CCDC178: variants seen among roughly 807,000 people sequenced by gnomAD.
CCDC178 encodes coiled-coil domain-containing protein 178.
In CCDC178, 126 loss-of-function variants were observed where a neutral mutation model predicts 117.4. The ratio of observed to expected loss-of-function variants is 1.07; its 90% confidence interval spans 0.93 to 1.24. The LOEUF (loss-of-function observed/expected upper bound fraction) is 1.24. Among genes scored for constraint, CCDC178 ranks in the 50% most tolerant of loss-of-function variants. CCDC178 has a pLI of 0.00. For missense variants in CCDC178, 1,030 were observed against 986.9 expected (o/e 1.04, Z -0.59); for synonymous variants, 283 against 313.4 (o/e 0.90, Z 1.02).
intron 12 of CCDC178, among the ~76,000 whole-genome samples, chr18:33,280,976 T>C (rs182442730): frequency 7.7e-4 from 117 of 152,150 alleles, no homozygotes; most frequent in Middle Eastern, 3.4e-3. Context: ...GGGGGAGCGA[T>C]AGCATTAGGA....
At chr18:33,326,647 C>A (rs2062588435) in intron 10 of CCDC178, among the ~76,000 whole-genome samples, 1 of 151,986 alleles carries the variant, frequency 6.6e-6, no homozygotes, top group Non-Finnish European at 1.5e-5. Flanking sequence ...CTTTACTTCC[C>A]ACTCTGTATC....
intron 21 of CCDC178, among the ~76,000 whole-genome samples, chr18:33,048,918 A>T (rs1205760366): frequency 1.3e-5 from 2 of 152,124 alleles, no homozygotes; most frequent in African/African-American, 2.4e-5. Flanking sequence ...CACTTACAAA[A>T]TGTCTCCCAC....
intron 22 of CCDC178, among the ~76,000 whole-genome samples, chr18:32,940,531 A>G (rs569829935): frequency 4.5e-4 from 69 of 152,064 alleles, no homozygotes; most frequent in African/African-American, 1.6e-3. Context: ...TCAGGGGTAC[A>G]TGTGCAGGTT....
chr18:33,145,623 A>G (rs2058258557), intron 20 of CCDC178, among the ~76,000 whole-genome samples: 2 of 152,142 alleles, frequency 1.3e-5, no homozygotes, highest in African/African-American at 2.4e-5. Flanking sequence ...GCCCCACTGC[A>G]ATTAGGAAGG....
intron 2 of CCDC178, among the ~76,000 whole-genome samples, chr18:33,435,028 T>C (rs1449664070): frequency 1.3e-5 from 2 of 152,122 alleles, no homozygotes; most frequent in Non-Finnish European, 1.5e-5. Context: ...ACCTGGCAAA[T>C]ATTATGTGCT....
chr18:33,382,817 A>T (rs2063452753), intron 5 of CCDC178, among the ~76,000 whole-genome samples: 1 of 152,204 alleles, frequency 6.6e-6, no homozygotes, highest in Admixed American at 6.5e-5. Context: ...CCAGTGAGAC[A>T]GGAGAACCAT....
chr18:33,223,658 G>A (rs1366118723), intron 17 of CCDC178, among the ~76,000 whole-genome samples: 1 of 151,964 alleles, frequency 6.6e-6, no homozygotes, highest in South Asian at 2.1e-4. Context: ...TGAACTACAA[G>A]AAGATGTAAA....
At position 33,092,797 on chromosome 18, in the gene CCDC178, C is replaced by A; in HGVS notation, c.2352G>T (p.Gln784His). The A allele has an allele frequency of 6.5e-7, 1 of 1,543,146 alleles. No individual in the cohort carries two copies. Among genetic ancestry groups the A allele is most frequent in the African/African-American group, 1.4e-5 (1 of 72,298 alleles). The change falls in exon 21 of 23, where the codon CAG becomes CAT. Residue 784 changes from glutamine to histidine, a missense_variant. Physicochemically the swap from Gln to His is conservative, Grantham distance 24. Coordinates refer to ENST00000383096, the MANE Select transcript of CCDC178 (RefSeq NM_001105528.4). ...CTCTAATTGAAGTATCAAGTGATAGCTGTTTATCATATATATTGAAATAAT... is the reference window on the plus strand; with the variant it reads ...CTCTAATTGAAGTATCAAGTGATAGATGTTTATCATATATATTGAAATAAT... ...KDNYFNIYDK[Q>H]LSLDTSIRDK...
At chr18:33,043,176 T>C (rs929700731) in intron 21 of CCDC178, among the ~76,000 whole-genome samples, 1 of 152,006 alleles carries the variant, frequency 6.6e-6, no homozygotes, top group Admixed American at 6.6e-5. Context: ...ATACGACATA[T>C]AGTAAGTAAC....
intron 21 of CCDC178, among the ~76,000 whole-genome samples, chr18:33,053,813 T>TA: frequency 6.6e-6 from 1 of 152,338 alleles, no homozygotes; most frequent in Middle Eastern, 3.4e-3. Context: ...AATTCAGTTT[T>TA]AAAATGTATC....
chr18:33,269,215 G>T (rs183613415), intron 12 of CCDC178, among the ~76,000 whole-genome samples: 1 of 151,764 alleles, frequency 6.6e-6, no homozygotes, highest in South Asian at 2.1e-4. Flanking sequence ...AAAAATTACA[G>T]GCAATTGATA....
At chr18:33,367,309 T>C (rs1425183318) in intron 6 of CCDC178, among the ~76,000 whole-genome samples, 1 of 152,070 alleles carries the variant, frequency 6.6e-6, no homozygotes, top group East Asian at 1.9e-4. Context: ...TAAATATTTC[T>C]TACACACATA....
At position 33,015,922 on chromosome 18, in the gene CCDC178, G is replaced by A. The variant is rs139651748; in HGVS notation, c.2389-41241C>T. Among the ~76,000 whole-genome samples the A allele has an allele frequency of 4.0e-3, 611 of 152,248 alleles. 3 individuals carry two copies. The highest frequency in any genetic ancestry group is 0.014 in the Middle Eastern group (4 of 294). ...GGCATAGGATAGAATCAGTAAACTT[G>A]AAATAGGTCATTTGAGATTCTTCAG... On this transcript the variant is annotated intron_variant, in intron 21 of 22. Coordinates refer to ENST00000383096, the MANE Select transcript of CCDC178 (RefSeq NM_001105528.4).
intron 21 of CCDC178, among the ~76,000 whole-genome samples, chr18:33,027,152 C>T (rs2056245513): frequency 6.6e-6 from 1 of 151,564 alleles, no homozygotes; most frequent in Non-Finnish European, 1.5e-5. Context: ...AAGTGGTAAA[C>T]ATAATAATTT....
At chr18:33,253,669 T>C (rs2144721199) in intron 14 of CCDC178, among the ~76,000 whole-genome samples, 1 of 152,052 alleles carries the variant, frequency 6.6e-6, no homozygotes, top group African/African-American at 2.4e-5. Context: ...TTGATTTTTT[T>C]TGAAGTAGGT....
Position 33,172,100 on chromosome 18 carries a change from A to T in CCDC178, c.2238+39796T>A, listed in dbSNP as rs992777142. On this transcript the variant is annotated intron_variant, in intron 20 of 22. Transcript: ENST00000383096. ...TAATTTTTGTATTTTAGTAGAGGCG[A>T]GGTTTCACCATGTTGATCAGGCTGG... 3.9e-5 allele frequency among the ~76,000 whole-genome samples: 6 copies of T among 152,214 alleles called. No homozygotes were observed. The East Asian group carries it at 1.2e-3, about 29-fold the overall frequency.
intron 20 of CCDC178, among the ~76,000 whole-genome samples, chr18:33,139,833 T>C (rs1319341595): frequency 6.6e-6 from 1 of 152,096 alleles, no homozygotes; most frequent in Admixed American, 6.5e-5. Flanking sequence ...CAAATGTTAA[T>C]CCCCAAGACA....
intron 11 of CCDC178, among the ~76,000 whole-genome samples, chr18:33,294,758 T>C (rs771968865): frequency 4.6e-5 from 7 of 152,204 alleles, no homozygotes; most frequent in Non-Finnish European, 1.0e-4. Context: ...TTGAAATTAG[T>C]TCTTCTTCTC....
intron 12 of CCDC178, among the ~76,000 whole-genome samples, chr18:33,270,906 A>C (rs1461838248): frequency 6.6e-6 from 1 of 151,606 alleles, no homozygotes; most frequent in African/African-American, 2.4e-5. Context: ...AGTAATTGTA[A>C]ATTTCTGTTG....
Sources: allele counts gnomAD v4.1 joint callset (sites outside exome capture counted in the v4.1 genomes callset), GRCh38; gene constraint gnomAD v4.1.1; transcripts MANE v1.5; gene names NCBI Gene and HGNC (gene_info 2026-07-23, HGNC 2026-07-21).